Variants in IRX2 observed in about 807,000 individuals in gnomAD.
The protein encoded by IRX2 is iroquois homeobox 2.
In IRX2, 26 loss-of-function variants were observed where a neutral mutation model predicts 42.9. That is an observed-to-expected ratio of 0.61 (90% CI 0.44 to 0.84). IRX2 has a LOEUF of 0.84. Ranked by LOEUF, IRX2 falls within the 40% of genes least tolerant of loss-of-function variation. IRX2 has a pLI of 0.00. For synonymous variants in IRX2, 424 were observed against 353.9 expected, an observed-to-expected ratio of 1.20 and a Z score of -2.22; for missense variants, 782 against 713.9, an observed-to-expected ratio of 1.10 and a Z score of -1.09.
At chr5:2,736,060 CCTT>C in the IRX2 span, among the ~76,000 whole-genome samples, 2 of 152,208 alleles carry the variant, frequency 1.3e-5, no homozygotes, top group African/African-American at 4.8e-5. Context: ...TCTGAACTGA[CCTT>C]CTTACCCTAT....
Position 2,746,799 on chromosome 5 carries a change from G to A in IRX2, c.*765C>T, listed in dbSNP as rs1719261230. On this transcript the variant is annotated 3_prime_UTR_variant, in exon 4 of 4. Coordinates refer to ENST00000302057, the MANE Select transcript of IRX2 (RefSeq NM_033267.5). ...TTGTGACACCTACCTGTGGACCAAGGAAAAAACCAAATCATCCCCAATCTT... is the reference window on the plus strand; with the variant it reads ...TTGTGACACCTACCTGTGGACCAAGAAAAAAACCAAATCATCCCCAATCTT... The A allele has an allele frequency of 7.0e-6, 1 of 142,382 alleles. No homozygotes were observed. Among genetic ancestry groups the A allele is most frequent in the Non-Finnish European group, 1.5e-5 (1 of 66,070 alleles). 8.8% of individuals were successfully genotyped at this position (142,382 alleles called of 1,614,324 possible). A position where few individuals can be genotyped will look rare whatever the true frequency, so the allele number is the denominator to read the frequency against.
At chr5:2,748,311 C>T in intron 3 of IRX2, 34 bp downstream of exon 3, 1 of 1,377,050 alleles carries the variant, frequency 7.3e-7, no homozygotes, top group Non-Finnish European at 9.3e-7. Flanking sequence ...GCTCTCCCTC[C>T]CCTCCCGGGC....
At chr5:2,737,731 C>T in the IRX2 span, 2 of 152,342 alleles carry the variant, frequency 1.3e-5, no homozygotes, top group Admixed American at 6.5e-5. Context: ...GTAGTCATTA[C>T]CTGCCCTCAA....
chr5:2,744,043 A>C (rs1479967065), downstream of IRX2, among the ~76,000 whole-genome samples: 1 of 151,730 alleles, frequency 6.6e-6, no homozygotes, highest in Non-Finnish European at 1.5e-5. Context: ...TCACCAATTG[A>C]AATATGCATG....
Position 2,748,928 on chromosome 5 carries a change from A to C in IRX2, c.780T>G (p.Tyr260Ter). Residue 260 changes from tyrosine to a stop codon, truncating the protein, a stop_gained, in exon 3 of 4, where the codon TAT becomes TAG. Transcript: ENST00000302057. LOFTEE classifies it high-confidence loss of function. ...CGTCCTCGTCGTCCTCCAGGTCGTC[A>C]TACTTGTCCTTGCACTCCGAGCCCG... The part of the protein sequence containing the change: ...CESGSECKDK[Y>*]DDLEDDEDDD... 1 of 1,596,364 alleles carries C rather than the reference A, an allele frequency of 6.3e-7. No individual in the cohort carries two copies. The highest frequency in any genetic ancestry group is 8.5e-7 in the Non-Finnish European group (1 of 1,179,264).
At chr5:2,749,179 C>G in intron 2 of IRX2, 127 bp from the exon 3 acceptor site, 2 of 1,477,574 alleles carry the variant, frequency 1.4e-6, no homozygotes, top group Non-Finnish European at 1.8e-6. Flanking sequence ...CACCCGGCCA[C>G]GTGACAGGCG....
the IRX2 span, among the ~76,000 whole-genome samples, chr5:2,739,243 G>A: frequency 6.6e-6 from 1 of 152,342 alleles, no homozygotes; most frequent in Non-Finnish European, 1.5e-5. Context: ...GCCGGCCCTC[G>A]CTCCGTGCGC....
chr5:2,748,891 C>T lies in IRX2; in HGVS notation c.817G>A (p.Gly273Ser). 6.3e-7 allele frequency: 1 copy of T among 1,595,834 alleles called. No homozygotes were observed. Among genetic ancestry groups the T allele is most frequent in the South Asian group, 1.1e-5 (1 of 90,524 alleles). ...LEDDEDDDEEGERGLAPPKPV... is the reference protein window; with the variant it reads ...LEDDEDDDEESERGLAPPKPV... ...TTGGGCGGCGCCAGGCCCCGCTCGC[C>T]CTCCTCGTCGTCGTCCTCGTCGTCC... Residue 273 changes from glycine to serine, a missense_variant, in exon 3 of 4, where the codon GGC (glycine) becomes AGC (serine). Gly to Ser is a moderately conservative substitution (Grantham distance 56). Around this residue, in one of 3 missense-constraint regions of IRX2, gnomAD observed 520 missense variants for 437.8 expected, o/e 1.19. Transcript: ENST00000302057.
At position 2,749,431 on chromosome 5, in the gene IRX2, C is replaced by A; in HGVS notation, c.606G>T (p.Glu202Asp). Reference protein sequence around the residue: ...DEGDATRSKDESPDKAQEGTE... With the variant: ...DEGDATRSKDDSPDKAQEGTE... ...TGCCCTCCTGCGCCTTGTCGGGACT[C>A]TCGTCCTTGCTTCTGGTAGCGTCGC... is the stretch of plus-strand genomic sequence containing the variant. The change falls in exon 2 of 4, where the codon GAG (glutamate) becomes GAT (aspartate). Residue 202 changes from glutamate (E) to aspartate (D), a missense_variant. Physicochemically the swap from Glu to Asp is conservative, Grantham distance 45 (BLOSUM62 2). Around this residue, in one of 3 missense-constraint regions of IRX2, gnomAD observed 520 missense variants for 437.8 expected, o/e 1.19. Coordinates refer to ENST00000302057, the MANE Select transcript of IRX2 (RefSeq NM_033267.5). 1 of 1,614,164 alleles carries A rather than the reference C, an allele frequency of 6.2e-7. No homozygotes were observed. The highest frequency in any genetic ancestry group is 1.1e-5 in the South Asian group (1 of 91,080).
intron 1 of IRX2, among the ~76,000 whole-genome samples, chr5:2,750,721 G>C (rs912798628): frequency 6.6e-6 from 1 of 152,180 alleles, no homozygotes; most frequent in Admixed American, 6.5e-5. Context: ...CCCCGCGAGT[G>C]AATGCGAACC....
chr5:2,749,408 C>A lies in IRX2; in HGVS notation c.629G>T (p.Gly210Val), dbSNP rs762607542. The change falls in exon 2 of 4, where the codon GGC (glycine) becomes GTC (valine). Residue 210 changes from glycine (G) to valine (V), a missense_variant. By Grantham distance (109) the Gly-to-Val change is moderately radical. This residue lies in a region of IRX2 where 520 missense variants were observed against 437.8 expected (regional missense o/e 1.19). Coordinates refer to ENST00000302057, the MANE Select transcript of IRX2 (RefSeq NM_033267.5). The part of the protein sequence containing the change: ...KDESPDKAQE[G>V]TETSAEDEGI... Reference sequence around the variant, plus strand: ...TTCGTCCTCTGCCGAGGTCTCCGTGCCCTCCTGCGCCTTGTCGGGACTCTC... The same window carrying A: ...TTCGTCCTCTGCCGAGGTCTCCGTGACCTCCTGCGCCTTGTCGGGACTCTC... 4 of 1,612,912 alleles carry A rather than the reference C, an allele frequency of 2.5e-6. No individual in the cohort carries two copies. The highest frequency in any genetic ancestry group is 1.7e-5 in the Admixed American group (1 of 59,750).
the IRX2 span, among the ~76,000 whole-genome samples, chr5:2,738,839 C>A: frequency 5.9e-4 from 90 of 152,210 alleles, no homozygotes; most frequent in Non-Finnish European, 7.3e-5. Context: ...CCAGTCAGGG[C>A]CGCCAGAGGT....
rs1477290145 is a variant in IRX2, at chr5:2,748,785, C to T, written c.923G>A (p.Arg308His). The change falls in exon 3 of 4, where the codon CGC (arginine) becomes CAC (histidine). Residue 308 changes from arginine (R) to histidine (H), a missense_variant. Physicochemically the swap from Arg to His is conservative, Grantham distance 29 (BLOSUM62 0). This residue lies in a region of IRX2 where 520 missense variants were observed against 437.8 expected (regional missense o/e 1.19). Transcript: ENST00000302057. ...PPPEAAPRGGRKTPQGSRTSP... is the reference protein window; with the variant it reads ...PPPEAAPRGGHKTPQGSRTSP... ...CGTCCGGCTGCCCTGGGGCGTCTTG[C>T]GGCCACCGCGGGGCGCGGCCTCGGG... The T allele has an allele frequency of 2.8e-6, 4 of 1,408,234 alleles. No individual in the cohort carries two copies. Among genetic ancestry groups the T allele is most frequent in the South Asian group, 1.5e-5 (1 of 64,518 alleles). The allele number at this position is 1,408,234 out of a possible 1,614,324, so 87.2% of individuals were successfully genotyped here. A position where few individuals can be genotyped will look rare whatever the true frequency, so the allele number is the denominator to read the frequency against.
the IRX2 span, chr5:2,736,588 C>A: frequency 5.3e-5 from 8 of 152,154 alleles, no homozygotes; most frequent in African/African-American, 1.7e-4. Context: ...TAAATGTATG[C>A]TTTGAGAAGG....
rs1212270852 is a variant in IRX2 at position 2,751,237 on chromosome 5, G to A, written c.177C>T (p.Ala59=). 18 of 1,376,440 alleles carry A rather than the reference G, an allele frequency of 1.3e-5. 1 individual carries two copies. The Admixed American group carries it at 3.3e-4, about 25-fold the overall frequency. The allele number at this position is 1,376,440 out of a possible 1,614,324, so 85.3% of individuals were successfully genotyped here. ...PGSAAFTAQA[A]TGFGSPLQYS... ...ACTGCAGCGGGCTCCCGAAGCCGGT[G>A]GCCGCCTGCGCCGTGAAGGCCGCCG... Residue 59 remains alanine, a synonymous_variant, in exon 1 of 4, where the codon GCC becomes GCT. Transcript: ENST00000302057. This position sits in a 1 kb window ranked among gnomAD's most constrained non-coding sequence, Gnocchi z 4.0.
chr5:2,750,863 C>G (rs879316088), intron 1 of IRX2, among the ~76,000 whole-genome samples: 1 of 152,192 alleles, frequency 6.6e-6, no homozygotes, highest in Non-Finnish European at 1.5e-5. Flanking sequence ...GGCGCCAGAC[C>G]CCGGCCCCGG....
intron 3 of IRX2, 55 bp downstream of exon 3, chr5:2,748,273 TCCCGGGCGCTCCGCCTC>T: frequency 7.6e-7 from 1 of 1,309,326 alleles, no homozygotes; most frequent in East Asian, 3.2e-5. Flanking sequence ...CCCTCGGGTC[TCCCGGGCGCTCCGCCTC>T]CCCGGGGCTG....
At chr5:2,747,941 A>T (rs988288512) in intron 3 of IRX2, among the ~76,000 whole-genome samples, 8 of 152,320 alleles carry the variant, frequency 5.3e-5, no homozygotes, top group African/African-American at 1.9e-4. Context: ...CGCCTCTGAG[A>T]GTAACTGGAA....
chr5:2,751,340 G>C lies in IRX2; in HGVS notation c.74C>G (p.Ala25Gly). The change falls in exon 1 of 4, where the codon GCG (alanine) becomes GGG (glycine). Residue 25 changes from alanine to glycine, a missense_variant. Around this residue, in one of 3 missense-constraint regions of IRX2, gnomAD observed 256 missense variants for 250.0 expected, o/e 1.02. Coordinates refer to ENST00000302057, the MANE Select transcript of IRX2 (RefSeq NM_033267.5). The surrounding 1 kb of genome is among the most constrained non-coding windows in gnomAD (Gnocchi z 4.0). ...LALYSCPAYG[A>G]SALAAPRSEE... ...GCTGCGCGGAGCCGCCAAAGCCGAC[G>C]CGCCGTAGGCCGGGCACGAGTAGAG... 7.0e-7 allele frequency: 1 copy of C among 1,437,750 alleles called. No homozygotes were observed. The highest frequency in any genetic ancestry group is 1.3e-5 in the South Asian group (1 of 75,618). 89.1% of individuals were successfully genotyped at this position (1,437,750 alleles called of 1,614,324 possible). A position where few individuals can be genotyped will look rare whatever the true frequency, so the allele number is the denominator to read the frequency against.
Sources: gnomAD v4.1 joint callset for allele counts (sites outside exome capture counted in the v4.1 genomes callset) on GRCh38, gnomAD v4.1.1 for gene constraint, gnomAD v4.1.1 regional missense constraint, Gnocchi (gnomAD v3.1) non-coding constraint, MANE v1.5 for transcripts, NCBI Gene and HGNC (gene_info 2026-07-23, HGNC 2026-07-21) for gene names.